GSE1: variants seen among roughly 807,000 people sequenced by gnomAD.
GSE1 encodes Gse1 coiled-coil protein, also known as genetic suppressor element 1.
GSE1 carries 32 observed loss-of-function variants against 112.6 expected under a neutral mutation model. The observed-to-expected ratio is 0.28, with a 90% CI of 0.21 to 0.38. GSE1 has a LOEUF of 0.38. Ranked by LOEUF, GSE1 falls within the 10% of genes least tolerant of loss-of-function variation. GSE1 has a pLI of 1.00. For missense variants in GSE1, 2,348 were observed against 1,699.2 expected, an observed-to-expected ratio of 1.38 and a Z score of -6.71; for synonymous variants, 1,115 against 735.6, an observed-to-expected ratio of 1.52 and a Z score of -8.35.
In GSE1 at chr16:85,613,324, T is replaced by G. The variant is rs1035380658; in HGVS notation, c.-68T>G. ...GAGCAGCCCCGGGTGAGATAAGCAG[T>G]TTAGACAAACACTGGGCGACGGTGG... On this transcript the variant is annotated 5_prime_UTR_variant, in exon 1 of 16. Transcript: ENST00000253458. 3 of 1,551,920 alleles carry G rather than the reference T, an allele frequency of 1.9e-6. 1 individual carries two copies. The South Asian group carries it at 3.6e-5, about 18-fold the overall frequency.
chr16:85,642,658 C>T (rs902793461), intron 2 of GSE1, among the ~76,000 whole-genome samples: 9 of 152,254 alleles, frequency 5.9e-5, no homozygotes, highest in African/African-American at 2.2e-4. Flanking sequence ...CTCACAAAGA[C>T]GTTCCAGGGA....
At chr16:85,257,854 A>G (rs968155803) in intron 1 of GSE1, among the ~76,000 whole-genome samples, 3 of 152,226 alleles carry the variant, frequency 2.0e-5, no homozygotes, top group African/African-American at 7.2e-5. Context: ...AAGATTGAGT[A>G]TCTCCCTGAG....
chr16:85,534,778 C>T (rs1399025801), intron 2 of GSE1, among the ~76,000 whole-genome samples: 3 of 152,208 alleles, frequency 2.0e-5, no homozygotes, highest in Non-Finnish European at 2.9e-5. Flanking sequence ...TGCAGTCACA[C>T]AGCGTTGCTC....
intron 2 of GSE1, among the ~76,000 whole-genome samples, chr16:85,647,817 C>G (rs563659602): frequency 6.6e-6 from 1 of 152,168 alleles, no homozygotes; most frequent in Non-Finnish European, 1.5e-5. Flanking sequence ...GAACTCCTGA[C>G]CTCGTGATCT....
intron 8 of GSE1, among the ~76,000 whole-genome samples, 159 bp downstream of exon 8, chr16:85,657,763 C>A (rs551590737): frequency 9.6e-4 from 146 of 152,302 alleles, no homozygotes; most frequent in South Asian, 2.3e-3. Context: ...GCCTGTCTTG[C>A]CTATGGGGAA....
chr16:85,513,893 G>T (rs2051830722), intron 2 of GSE1, among the ~76,000 whole-genome samples: 5 of 152,100 alleles, frequency 3.3e-5, no homozygotes, highest in Admixed American at 3.3e-4. Flanking sequence ...ACCCCACCGC[G>T]GTGTCTGATA....
chr16:85,516,341 G>A (rs1466541716), intron 2 of GSE1, among the ~76,000 whole-genome samples: 1 of 151,974 alleles, frequency 6.6e-6, no homozygotes, highest in African/African-American at 2.4e-5. Flanking sequence ...AGAGTTCAAG[G>A]GGGCGGTGGG....
At chr16:85,262,381 G>T (rs1483701562) in intron 1 of GSE1, among the ~76,000 whole-genome samples, 1 of 152,190 alleles carries the variant, frequency 6.6e-6, no homozygotes, top group Admixed American at 6.5e-5. Context: ...GGGCCAGCTA[G>T]AGTTTGCATC....
intron 1 of GSE1, among the ~76,000 whole-genome samples, chr16:85,336,688 G>A (rs538615779): frequency 1.2e-4 from 18 of 150,666 alleles, no homozygotes; most frequent in Admixed American, 4.0e-4. Flanking sequence ...TGCACCCTCC[G>A]CCTCCTCAGT....
Position 85,284,155 on chromosome 16 carries a change from A to G in GSE1, c.2284-73308A>G, listed in dbSNP as rs2044942308. On this transcript the variant is annotated intron_variant, in intron 1 of 2. Coordinates refer to the GSE1 transcript ENST00000637419. ...TTTCAAGATGCCCCCGGCCCAGGAG[A>G]AGGCCCGGCGGGTCGGGAGGCCGGG... 2.0e-5 allele frequency among the ~76,000 whole-genome samples: 3 copies of G among 152,304 alleles called. No individual in the cohort carries two copies. The South Asian group carries it at 6.2e-4, about 32-fold the overall frequency.
rs1022786902 is a variant in GSE1 at position 85,310,785 on chromosome 16, C to T, written c.2284-46678C>T. ...GGAGCAACCTCTGGCCTGCGTCCCC[C>T]CCCCACCCACCTCCCCAGCCCAGCC... On this transcript the variant is annotated intron_variant, in intron 1 of 2. Transcript: ENST00000637419. Among the ~76,000 whole-genome samples, 62 of 151,792 alleles carry T rather than the reference C, an allele frequency of 4.1e-4. 1 individual carries two copies. The highest frequency in any genetic ancestry group is 1.4e-3 in the African/African-American group (60 of 41,452).
intron 2 of GSE1, among the ~76,000 whole-genome samples, chr16:85,521,806 C>T (rs1430279502): frequency 2.0e-5 from 3 of 152,238 alleles, no homozygotes; most frequent in South Asian, 2.1e-4. Flanking sequence ...GTTCTCACCC[C>T]ATAAAATCCG....
intron 1 of GSE1, among the ~76,000 whole-genome samples, chr16:85,218,154 A>C (rs1318871947): frequency 6.6e-6 from 1 of 152,086 alleles, no homozygotes; most frequent in Non-Finnish European, 1.5e-5. Flanking sequence ...TGCCCACCTC[A>C]GCCTCCCAAA....
intron 1 of GSE1, among the ~76,000 whole-genome samples, chr16:85,225,111 G>C (rs144655973): frequency 1.5e-3 from 230 of 152,046 alleles, no homozygotes; most frequent in African/African-American, 5.4e-3. Context: ...GTGACAGAGA[G>C]AGATTCCCTC....
chr16:85,635,693 T>C (rs1016621724), intron 2 of GSE1, among the ~76,000 whole-genome samples: 4 of 152,148 alleles, frequency 2.6e-5, no homozygotes, highest in African/African-American at 9.7e-5. Flanking sequence ...GTGAGGGATT[T>C]CCGAGGCCAC....
chr16:85,219,072 G>C (rs1340644522), intron 1 of GSE1, among the ~76,000 whole-genome samples: 1 of 152,066 alleles, frequency 6.6e-6, no homozygotes, highest in Non-Finnish European at 1.5e-5. Flanking sequence ...GTAGAGACGG[G>C]GTTTCACCAT....
intron 2 of GSE1, among the ~76,000 whole-genome samples, chr16:85,508,436 G>A (rs146049407): frequency 1.3e-5 from 2 of 152,312 alleles, no homozygotes; most frequent in African/African-American, 4.8e-5. Context: ...GGCGAGAGGT[G>A]AGTTGGGACA....
At chr16:85,174,193 G>T (rs764134320) in intron 1 of GSE1, among the ~76,000 whole-genome samples, 1 of 152,222 alleles carries the variant, frequency 6.6e-6, no homozygotes, top group African/African-American at 2.4e-5. Flanking sequence ...GCCTGTTGGG[G>T]ATGAGAGGAA....
At position 85,224,227 on chromosome 16, in the gene GSE1, C is replaced by T. The variant is rs1015884505; in HGVS notation, c.2283+52420C>T. On this transcript the variant is annotated intron_variant, in intron 1 of 2. Coordinates refer to the GSE1 transcript ENST00000637419. ...TAGAAAAACCTGCCCTTGAAGGATGCGCATGAAAAGCGAGAAGGCGAGGGA... is the reference window on the plus strand; with the variant it reads ...TAGAAAAACCTGCCCTTGAAGGATGTGCATGAAAAGCGAGAAGGCGAGGGA... Among the ~76,000 whole-genome samples the T allele has an allele frequency of 5.9e-5, 8 of 134,534 alleles. No individual in the cohort carries two copies. The South Asian group carries it at 7.1e-4, about 12-fold the overall frequency. 88.3% of individuals were successfully genotyped at this position (134,534 alleles called of 152,430 possible).
Sources: allele counts gnomAD v4.1 joint callset (sites outside exome capture counted in the v4.1 genomes callset), GRCh38; gene constraint gnomAD v4.1.1; transcripts MANE v1.5; gene names NCBI Gene and HGNC (gene_info 2026-07-23, HGNC 2026-07-21).